The following NACC2 variants were observed in gnomAD, a reference collection of about 807,000 sequenced individuals.
NACC2 encodes NACC family member 2, also known as nucleus accumbens-associated protein 2.
Under a neutral mutation model 25.1 loss-of-function variants are expected in NACC2, and 8 were observed. That is an observed-to-expected ratio of 0.32 (90% CI 0.19 to 0.57). The LOEUF is 0.57. Among genes scored for constraint, NACC2 ranks in the 20% least tolerant of loss-of-function variants. NACC2 has a pLI of 0.89. For missense variants in NACC2, 644 were observed against 650.2 expected (o/e 0.99, Z 0.10); for synonymous variants, 435 against 294.7 (o/e 1.48, Z -4.88).
chr9:136,040,238 G>A (rs905335775), intron 2 of NACC2, among the ~76,000 whole-genome samples: 25 of 151,890 alleles, frequency 1.6e-4, no homozygotes, highest in South Asian at 1.0e-3. Flanking sequence ...CCAGCTACTC[G>A]GGAGGCTGAG....
rs763490832 is a variant in NACC2 at position 136,090,596 on chromosome 9, A to AGCT, written c.-60+4590_-60+4592dup. 2.7e-3 allele frequency among the ~76,000 whole-genome samples: 418 copies of AGCT among 152,354 alleles called. 3 individuals are homozygous for AGCT. The highest frequency in any genetic ancestry group is 4.4e-3 in the Admixed American group (67 of 15,312). Reference sequence around the variant, plus strand: ...ACGCCCTCCATGAGGGACCCCAGGCAGCTCTGGCCAACAGCACAGCCCGGA... The same window carrying AGCT: ...ACGCCCTCCATGAGGGACCCCAGGCAGCTGCTCTGGCCAACAGCACAGCCCGGA... On this transcript the variant is annotated intron_variant, in intron 1 of 5. Coordinates refer to ENST00000277554, the MANE Select transcript of NACC2 (RefSeq NM_144653.5).
chr9:136,078,270 G>C (rs988901395), intron 1 of NACC2, among the ~76,000 whole-genome samples: 9 of 152,026 alleles, frequency 5.9e-5, no homozygotes, highest in African/African-American at 1.9e-4. Flanking sequence ...AGCCCCACTC[G>C]CCTGCAGGCC....
In NACC2 at chr9:136,013,119, G is replaced by T. The variant is rs540334446; in HGVS notation, c.1255+80C>A. 7.5e-5 allele frequency: 96 copies of T among 1,275,870 alleles called. No individual in the cohort carries two copies. The highest frequency in any genetic ancestry group is 3.6e-4 in the Admixed American group (18 of 50,498). The allele number at this position is 1,275,870 out of a possible 1,614,324, so 79.0% of individuals were successfully genotyped here. The stretch of plus-strand genomic sequence containing the variant: ...GCTGCAGGTGGCCGGGAGCACCCCC[G>T]CGGCCCACCCAGTCCTCCTCAGGCT... On this transcript the variant is annotated intron_variant, in intron 5 of 5. Transcript: ENST00000277554. This position sits in a 1 kb window ranked among gnomAD's most constrained non-coding sequence, Gnocchi z 6.6.
chr9:136,044,700 G>A (rs1840693692), intron 2 of NACC2, among the ~76,000 whole-genome samples: 1 of 152,214 alleles, frequency 6.6e-6, no homozygotes, highest in Non-Finnish European at 1.5e-5. Context: ...GCTTCTCTCT[G>A]GGAACCCCAA....
intron 2 of NACC2, among the ~76,000 whole-genome samples, chr9:136,045,164 T>C (rs1840701240): frequency 6.6e-6 from 1 of 152,160 alleles, no homozygotes; most frequent in Non-Finnish European, 1.5e-5. Flanking sequence ...TGGAAGTGGG[T>C]ACCCAGCTTA....
At chr9:136,023,046 GAA>G in intron 2 of NACC2, among the ~76,000 whole-genome samples, 1 of 90,482 alleles carries the variant, frequency 1.1e-5, no homozygotes, top group African/African-American at 4.4e-5. Flanking sequence ...AGGAGGGAGG[GAA>G]GGAGGGAGGA....
intron 3 of NACC2, among the ~76,000 whole-genome samples, chr9:136,015,020 G>A (rs920305266): frequency 1.3e-5 from 2 of 152,136 alleles, no homozygotes; most frequent in African/African-American, 4.8e-5. Context: ...CTGCTTCCAG[G>A]AGCCTGTGAG....
chr9:136,013,199 A>T lies in NACC2; in HGVS notation c.1255T>A (p.Leu419Met). Residue 419 changes from leucine (L) to methionine (M), a missense_variant and splice_region_variant, in exon 5 of 6, where the codon TTG becomes ATG. Transcript: ENST00000277554. This position sits in a 1 kb window ranked among gnomAD's most constrained non-coding sequence, Gnocchi z 6.6. Reference sequence around the variant, plus strand: ...ACCCGAGAGACCCCCAGGCTCTTACATTTCACAGCGTTCAGGACCCGGCTG... The same window carrying T: ...ACCCGAGAGACCCCCAGGCTCTTACTTTTCACAGCGTTCAGGACCCGGCTG... Reference protein sequence around the residue: ...LDSRVLNAVKLYCQNFAPSFK... With the variant: ...LDSRVLNAVKMYCQNFAPSFK... The T allele has an allele frequency of 6.3e-7, 1 of 1,594,726 alleles. No individual in the cohort carries two copies. Among genetic ancestry groups the T allele is most frequent in the Middle Eastern group, 1.7e-4 (1 of 5,936 alleles).
rs986561205 is a variant in NACC2 at position 136,050,057 on chromosome 9, G to A, written c.465C>T (p.Ala155=). Reference sequence around the variant, plus strand: ...AGGGGGACACGACGTAGGGGGCCGCGGCGGCGGCGGCCGGCTGCAGCTGGT... The same window carrying A: ...AGGGGGACACGACGTAGGGGGCCGCAGCGGCGGCGGCCGGCTGCAGCTGGT... ...PCNQLQPAAA[A]AAPYVVSPSV... is the part of the protein sequence containing the mutation. Residue 155 remains alanine (A), a synonymous_variant, in exon 2 of 6, where the codon GCC becomes GCT. Coordinates refer to ENST00000277554, the MANE Select transcript of NACC2 (RefSeq NM_144653.5). The A allele has an allele frequency of 3.0e-3, 2,020 of 677,780 alleles. 44 individuals are homozygous for A. The highest frequency in any genetic ancestry group is 0.029 in the South Asian group (1,903 of 65,740). The allele number at this position is 677,780 out of a possible 1,614,324, so 42.0% of individuals were successfully genotyped here.
intron 2 of NACC2, among the ~76,000 whole-genome samples, chr9:136,048,486 C>A (rs1309980143): frequency 6.6e-6 from 1 of 152,242 alleles, no homozygotes; most frequent in African/African-American, 2.4e-5. Context: ...TAAAAGAAAA[C>A]AAAAGCTGTG....
rs909330043 is a variant in NACC2, at chr9:136,095,286, C to A, written c.-157G>T. The A allele has an allele frequency of 1.4e-5, 2 of 147,604 alleles. No homozygotes were observed. Among genetic ancestry groups the A allele is most frequent in the African/African-American group, 4.9e-5 (2 of 40,908 alleles). 9.1% of individuals were successfully genotyped at this position (147,604 alleles called of 1,614,324 possible). Reference sequence around the variant, plus strand: ...CGGCGCTCCGGCTCCCATGGACTTTCTCCGACCTCGCCCAGCACCGGCGGC... The same window carrying A: ...CGGCGCTCCGGCTCCCATGGACTTTATCCGACCTCGCCCAGCACCGGCGGC... On this transcript the variant is annotated 5_prime_UTR_variant, in exon 1 of 6. Transcript: ENST00000277554.
Position 136,044,808 on chromosome 9 carries a change from G to T in NACC2, c.886+4828C>A, listed in dbSNP as rs914077717. On this transcript the variant is annotated intron_variant, in intron 2 of 5. Coordinates refer to ENST00000277554, the MANE Select transcript of NACC2 (RefSeq NM_144653.5). Reference sequence around the variant, plus strand: ...GTGTACCTTCCGGATGGGTAATGGTGGGGGGTGAGTGGCTGCAACGGAGAC... The same window carrying T: ...GTGTACCTTCCGGATGGGTAATGGTTGGGGGTGAGTGGCTGCAACGGAGAC... Among the ~76,000 whole-genome samples the T allele has an allele frequency of 1.7e-3, 264 of 152,310 alleles. 2 individuals carry two copies. Among genetic ancestry groups the T allele is most frequent in the African/African-American group, 5.8e-3 (243 of 41,558 alleles).
At chr9:136,040,815 G>C (rs889741304) in intron 2 of NACC2, among the ~76,000 whole-genome samples, 3 of 152,144 alleles carry the variant, frequency 2.0e-5, no homozygotes, top group Non-Finnish European at 4.4e-5. Context: ...AAAAAAATTA[G>C]CCGGGTGTGG....
At position 136,020,828 on chromosome 9, in the gene NACC2, A is replaced by G. The variant is rs1588558998; in HGVS notation, c.887-4399T>C. 6.6e-6 allele frequency among the ~76,000 whole-genome samples: 1 copy of G among 152,192 alleles called. No homozygotes were observed. The highest frequency in any genetic ancestry group is 1.5e-5 in the Non-Finnish European group (1 of 68,040). On this transcript the variant is annotated intron_variant, in intron 2 of 5. Transcript: ENST00000277554. The surrounding 1 kb of genome is among the most constrained non-coding windows in gnomAD (Gnocchi z 4.7). The stretch of plus-strand genomic sequence containing the variant: ...CTCGATTGGCTTTTGACAAAGGTGC[A>G]CCAGCCTTTGTCAACGGAGGAGGCA...
At chr9:136,081,546 T>C (rs1251321809) in intron 1 of NACC2, among the ~76,000 whole-genome samples, 1 of 152,246 alleles carries the variant, frequency 6.6e-6, no homozygotes, top group Non-Finnish European at 1.5e-5. Context: ...TGGAAATCAG[T>C]GGCTGTAATC....
Position 136,011,639 on chromosome 9 carries a change from C to A in NACC2, c.1641G>T (p.Pro547=), listed in dbSNP as rs774506728. Residue 547 remains proline (P), a synonymous_variant, in exon 6 of 6, where the codon CCG becomes CCT. Coordinates refer to ENST00000277554, the MANE Select transcript of NACC2 (RefSeq NM_144653.5). ...SVIQEVAAPE[P]LPADGQSPPQ... ...GGGGGCTCTGGCCATCGGCGGGCAG[C>A]GGCTCGGGGGCGGCCACCTCCTGGA... The A allele has an allele frequency of 2.1e-6, 3 of 1,399,800 alleles. No individual in the cohort carries two copies. The highest frequency in any genetic ancestry group is 3.0e-5 in the African/African-American group (2 of 65,648). 86.7% of individuals were successfully genotyped at this position (1,399,800 alleles called of 1,614,324 possible). A position where few individuals can be genotyped will look rare whatever the true frequency, so the allele number is the denominator to read the frequency against.
chr9:136,048,431 C>T (rs1438169021), intron 2 of NACC2, among the ~76,000 whole-genome samples: 1 of 152,350 alleles, frequency 6.6e-6, no homozygotes, highest in East Asian at 1.9e-4. Flanking sequence ...CCGTAGCTAG[C>T]AAAGCTCCCA....
chr9:136,078,869 G>A (rs74893449), intron 1 of NACC2, among the ~76,000 whole-genome samples: 3,800 of 152,314 alleles, frequency 0.025, 79 homozygotes, highest in Non-Finnish European at 0.031. Flanking sequence ...TTGTCCAGGC[G>A]ACCTTGTGGG....
intron 2 of NACC2, among the ~76,000 whole-genome samples, chr9:136,041,927 C>T (rs928568643): frequency 1.4e-4 from 21 of 152,106 alleles, no homozygotes; most frequent in African/African-American, 3.9e-4. Context: ...AGTGCAACAT[C>T]GATCAACATT....
Sources: allele counts gnomAD v4.1 joint callset (sites outside exome capture counted in the v4.1 genomes callset), GRCh38; gene constraint gnomAD v4.1.1; non-coding constraint Gnocchi (gnomAD v3.1); transcripts MANE v1.5; gene names NCBI Gene and HGNC (gene_info 2026-07-23, HGNC 2026-07-21).